FA2H: variants seen among roughly 807,000 people sequenced by gnomAD.
FA2H encodes fatty acid 2-hydroxylase.
A neutral mutation model predicts 44.9 loss-of-function variants in FA2H; 22 were observed. The observed-to-expected ratio is 0.49, with a 90% confidence interval of 0.35 to 0.70. The LOEUF (loss-of-function observed/expected upper bound fraction) is 0.70. Ranked by LOEUF, FA2H falls within the 30% of genes least tolerant of loss-of-function variation. The probability of loss-of-function intolerance (pLI) is 0.01; values close to 1 mark genes in which losing one functional copy is unlikely to be tolerated. For synonymous variants in FA2H, 243 were observed against 213.2 expected (o/e 1.14, Z -1.22); for missense variants, 501 against 504.9 (o/e 0.99, Z 0.07).
chr16:74,734,091 G>A (rs1182489052), intron 2 of FA2H, among the ~76,000 whole-genome samples: 1 of 152,170 alleles, frequency 6.6e-6, no homozygotes, highest in Non-Finnish European at 1.5e-5. Context: ...CCTGGTCCGG[G>A]CCCCATTTAC....
intron 1 of FA2H, among the ~76,000 whole-genome samples, chr16:74,770,804 A>C (rs890889504): frequency 6.6e-6 from 1 of 152,224 alleles, no homozygotes; most frequent in African/African-American, 2.4e-5. Context: ...CTGCAGATGC[A>C]TTGTTTTGAG....
At chr16:74,740,535 G>A (rs908210557) in intron 1 of FA2H, among the ~76,000 whole-genome samples, 13 of 151,110 alleles carry the variant, frequency 8.6e-5, no homozygotes, top group African/African-American at 3.2e-4. Flanking sequence ...CAGAAGAATC[G>A]CTTGAACCCG....
At chr16:74,721,829 G>A (rs566749848) in intron 4 of FA2H, among the ~76,000 whole-genome samples, 4 of 152,282 alleles carry the variant, frequency 2.6e-5, no homozygotes, top group East Asian at 1.9e-4. Flanking sequence ...ACATTCTGCC[G>A]GTACCCTGGC....
In FA2H at chr16:74,718,997, C is replaced by G; in HGVS notation, c.777G>C (p.Gln259His). ...ACCCCGCCCCGCTCACCTTGTGGTG[C>G]TGGCCGTGCATGACGAAGTGCAGCA... ...LIMLHFVMHG[Q>H]HHKAPFDGSR... is the part of the protein sequence containing the mutation. The change falls in exon 5 of 7, where the codon CAG (glutamine) becomes CAC (histidine). Residue 259 changes from glutamine (Q) to histidine (H), a missense_variant. Coordinates refer to ENST00000219368, the MANE Select transcript of FA2H (RefSeq NM_024306.5). 6.2e-7 allele frequency: 1 copy of G among 1,613,798 alleles called. No homozygotes were observed. The highest frequency in any genetic ancestry group is 8.5e-7 in the Non-Finnish European group (1 of 1,180,040).
At chr16:74,747,827 C>T (rs1962454255) in intron 1 of FA2H, among the ~76,000 whole-genome samples, 1 of 152,172 alleles carries the variant, frequency 6.6e-6, no homozygotes, top group African/African-American at 2.4e-5. Context: ...CAACCACCCA[C>T]TTTGTGACAG....
intron 1 of FA2H, among the ~76,000 whole-genome samples, chr16:74,768,141 A>C (rs1962842463): frequency 6.6e-6 from 1 of 152,246 alleles, no homozygotes; most frequent in African/African-American, 2.4e-5. Flanking sequence ...CTGTTGCCGA[A>C]GCATCAGTCT....
chr16:74,749,880 A>C (rs774186154), intron 1 of FA2H, among the ~76,000 whole-genome samples: 1 of 152,092 alleles, frequency 6.6e-6, no homozygotes, highest in Non-Finnish European at 1.5e-5. Flanking sequence ...TTTTCCAGTG[A>C]ATGCTGGACT....
chr16:74,766,649 G>T (rs1056924306), intron 1 of FA2H, among the ~76,000 whole-genome samples: 1 of 152,050 alleles, frequency 6.6e-6, no homozygotes, highest in Non-Finnish European at 1.5e-5. Context: ...CTAAGGGGGG[G>T]GGCTCCTGAA....
At chr16:74,717,922 C>T (rs1222829406) in intron 5 of FA2H, among the ~76,000 whole-genome samples, 2 of 152,222 alleles carry the variant, frequency 1.3e-5, no homozygotes, top group African/African-American at 4.8e-5. Context: ...ATGCAGTGAG[C>T]TCTGCAGAGC....
chr16:74,726,042 G>C (rs541135868), intron 4 of FA2H, 183 bp downstream of exon 4: 94 of 599,492 alleles, frequency 1.6e-4, no homozygotes, highest in Middle Eastern at 1.3e-3. Flanking sequence ...TATCCATTTG[G>C]GGGGTAGATG....
chr16:74,715,891 C>T (rs963291304), intron 6 of FA2H, among the ~76,000 whole-genome samples: 1 of 151,338 alleles, frequency 6.6e-6, no homozygotes, highest in Non-Finnish European at 1.5e-5. Flanking sequence ...TCTTAGCTCA[C>T]TGTAGCTTCT....
intron 1 of FA2H, among the ~76,000 whole-genome samples, chr16:74,752,420 A>G (rs1962543662): frequency 6.7e-6 from 1 of 150,252 alleles, no homozygotes; most frequent in African/African-American, 2.5e-5. Context: ...CCCCCACCAG[A>G]CTCCATCCCT....
intron 1 of FA2H, among the ~76,000 whole-genome samples, chr16:74,764,383 C>T (rs1326162130): frequency 6.6e-6 from 1 of 152,150 alleles, no homozygotes; most frequent in East Asian, 1.9e-4. Flanking sequence ...GAATACTATA[C>T]AGCCACAAAA....
At chr16:74,772,125 C>G (rs1401311368) in intron 1 of FA2H, among the ~76,000 whole-genome samples, 1 of 152,136 alleles carries the variant, frequency 6.6e-6, no homozygotes, top group Non-Finnish European at 1.5e-5. Flanking sequence ...TGATGTGGCC[C>G]CGGCCGACTT....
At chr16:74,761,458 AAAAGAAAGAAAG>A (rs147015393) in intron 1 of FA2H, among the ~76,000 whole-genome samples, 2 of 93,596 alleles carry the variant, frequency 2.1e-5, no homozygotes, top group East Asian at 1.6e-3. Context: ...GTCTCAAAAA[AAAAGAAAGAAAG>A]AAAGAAAGAA....
intron 4 of FA2H, among the ~76,000 whole-genome samples, chr16:74,723,537 A>T (rs570067367): frequency 2.0e-5 from 3 of 151,642 alleles, no homozygotes; most frequent in African/African-American, 7.3e-5. Context: ...CTTCCCGCCC[A>T]CCTCCTCTTG....
intron 1 of FA2H, among the ~76,000 whole-genome samples, chr16:74,774,111 G>A (rs1962962036): frequency 6.6e-6 from 1 of 152,090 alleles, no homozygotes; most frequent in South Asian, 2.1e-4. Context: ...AGAGGGAGAG[G>A]CCGATAAGTG....
chr16:74,726,079 A>G, intron 4 of FA2H, 146 bp downstream of exon 4: 3 of 661,884 alleles, frequency 4.5e-6, no homozygotes, highest in Non-Finnish European at 8.3e-6. Flanking sequence ...CTTCTTTGGA[A>G]GACTATTTCT....
intron 2 of FA2H, among the ~76,000 whole-genome samples, chr16:74,734,026 G>A (rs945255703): frequency 1.3e-5 from 2 of 152,082 alleles, no homozygotes; most frequent in Non-Finnish European, 2.9e-5. Context: ...CTACCTGACC[G>A]AAGACCCCTC....
Sources: allele counts gnomAD v4.1 joint callset (sites outside exome capture counted in the v4.1 genomes callset), GRCh38; gene constraint gnomAD v4.1.1; transcripts MANE v1.5; gene names NCBI Gene and HGNC (gene_info 2026-07-23, HGNC 2026-07-21).